Variants in NCOA1 observed in about 807,000 individuals in gnomAD.
The protein encoded by NCOA1 is nuclear receptor coactivator 1, also known as Hin-2 protein.
NCOA1 carries 35 observed loss-of-function variants against 150.9 expected under a neutral mutation model. The ratio of observed to expected loss-of-function variants is 0.23; its 90% confidence interval spans 0.18 to 0.31. The LOEUF (loss-of-function observed/expected upper bound fraction) is 0.31, where lower values mean the gene tolerates loss of function less well. Ranked by LOEUF, NCOA1 falls within the 10% of genes least tolerant of loss-of-function variation. The probability of loss-of-function intolerance (pLI) is 1.00; values close to 1 mark genes in which losing one functional copy is unlikely to be tolerated. For synonymous variants in NCOA1, 590 were observed against 630.0 expected (o/e 0.94, Z 0.95); for missense variants, 1,491 against 1,749.3 (o/e 0.85, Z 2.63).
chr2:24,657,070 A>G (rs937330269), intron 4 of NCOA1, among the ~76,000 whole-genome samples: 1 of 152,200 alleles, frequency 6.6e-6, no homozygotes, highest in African/African-American at 2.4e-5. Context: ...GGCTACGCTA[A>G]TTTACATTCC....
At position 24,769,260 on chromosome 2, in the gene NCOA1, C is replaced by T. The variant is rs1051364089; in HGVS notation, c.*869C>T. On this transcript the variant is annotated 3_prime_UTR_variant, in exon 23 of 23. Transcript: ENST00000348332. ...TTATGATCCAAGTAGCTTATTTTTC[C>T]CTTTAAATCTCATTGTAAATATATT... The T allele has an allele frequency of 5.3e-6, 1 of 188,982 alleles. No homozygotes were observed. Among genetic ancestry groups the T allele is most frequent in the East Asian group, 8.5e-5 (1 of 11,750 alleles). The allele number at this position is 188,982 out of a possible 1,614,324, so 11.7% of individuals were successfully genotyped here. A position where few individuals can be genotyped will look rare whatever the true frequency, so the allele number is the denominator to read the frequency against.
chr2:24,708,932 C>G (rs1401100166), intron 13 of NCOA1, among the ~76,000 whole-genome samples: 1 of 152,180 alleles, frequency 6.6e-6, no homozygotes, highest in East Asian at 1.9e-4. Flanking sequence ...CCTTCACAAA[C>G]CAATTCAAAT....
At chr2:24,671,574 T>TTTAA (rs1671685607) in intron 6 of NCOA1, among the ~76,000 whole-genome samples, 1 of 152,192 alleles carries the variant, frequency 6.6e-6, no homozygotes. Flanking sequence ...GTCATGTACT[T>TTTAA]TTTTAAGAGA....
chr2:24,642,037 T>TGTGTGTGTGTGTGCGCGC lies in NCOA1; in HGVS notation c.-174-1928_-174-1927insTGTGTGTGTGTGCGCGCG, dbSNP rs942145000. Among the ~76,000 whole-genome samples, 249 of 138,546 alleles carry TGTGTGTGTGTGTGCGCGC rather than the reference T, an allele frequency of 1.8e-3. 1 individual carries two copies. Among genetic ancestry groups the TGTGTGTGTGTGTGCGCGC allele is most frequent in the Middle Eastern group, 3.6e-3 (1 of 278 alleles). The allele number at this position is 138,546 out of a possible 152,430, so 90.9% of individuals were successfully genotyped here. ...GTGTGTGTGTGTGTGTGTGTGTGTG[T>TGTGTGTGTGTGTGCGCGC]GCGCGCGTGCGTATGTGTGTGTGTA... On this transcript the variant is annotated intron_variant, in intron 3 of 22. Coordinates refer to ENST00000348332, the MANE Select transcript of NCOA1 (RefSeq NM_003743.5).
chr2:24,619,367 A>G (rs1669015055), intron 3 of NCOA1, among the ~76,000 whole-genome samples: 1 of 152,226 alleles, frequency 6.6e-6, no homozygotes, highest in African/African-American at 2.4e-5. Flanking sequence ...TATTAATAAT[A>G]TGGCCTTAGA....
chr2:24,730,894 C>T (rs1307859806), intron 17 of NCOA1, among the ~76,000 whole-genome samples: 1 of 112,510 alleles, frequency 8.9e-6, no homozygotes, highest in African/African-American at 3.1e-5. Flanking sequence ...AAAAAAAAAA[C>T]GGGCATGGTG....
At chr2:24,709,750 C>T (rs1016372807) in intron 13 of NCOA1, among the ~76,000 whole-genome samples, 4 of 152,092 alleles carry the variant, frequency 2.6e-5, no homozygotes, top group Non-Finnish European at 5.9e-5. Context: ...CAGCTTTATT[C>T]GTATCAGCCA....
chr2:24,618,553 C>T (rs1668975532), intron 3 of NCOA1, among the ~76,000 whole-genome samples: 1 of 151,960 alleles, frequency 6.6e-6, no homozygotes. Context: ...GACTTTTAAC[C>T]AGAGCATGGA....
chr2:24,583,443 T>A (rs961184295), intron 2 of NCOA1, among the ~76,000 whole-genome samples: 9 of 152,126 alleles, frequency 5.9e-5, no homozygotes, highest in African/African-American at 1.9e-4. Context: ...ATACACTATT[T>A]GTAGGAATAT....
chr2:24,572,689 A>T (rs989557874), intron 2 of NCOA1, among the ~76,000 whole-genome samples: 2 of 152,112 alleles, frequency 1.3e-5, no homozygotes, highest in African/African-American at 4.8e-5. Flanking sequence ...CTGCTATTTT[A>T]CATAGGAGTG....
chr2:24,707,716 T>C lies in NCOA1; in HGVS notation c.2246T>C (p.Leu749Pro). The C allele has an allele frequency of 6.2e-7, 1 of 1,614,190 alleles. No homozygotes were observed. The highest frequency in any genetic ancestry group is 8.5e-7 in the Non-Finnish European group (1 of 1,179,998). ...AAAGAATCAAAAGACCATCAGCTCC[T>C]ACGCTATCTTTTAGATAAAGATGAG... ...KKKESKDHQLLRYLLDKDEKD... is the reference protein window; with the variant it reads ...KKKESKDHQLPRYLLDKDEKD... The change falls in exon 13 of 23, where the codon CTA (leucine) becomes CCA (proline). Residue 749 changes from leucine to proline, a missense_variant. By Grantham distance (98) the Leu-to-Pro change is moderately conservative. This residue lies in a region of NCOA1 where 703 missense variants were observed against 717.7 expected (regional missense o/e 0.98). Coordinates refer to ENST00000348332, the MANE Select transcript of NCOA1 (RefSeq NM_003743.5).
chr2:24,642,862 A>G (rs1271967636), intron 3 of NCOA1, among the ~76,000 whole-genome samples: 1 of 152,202 alleles, frequency 6.6e-6, no homozygotes. Context: ...AAAAAAGCCA[A>G]CTTGAAAAGA....
intron 6 of NCOA1, among the ~76,000 whole-genome samples, chr2:24,666,749 C>G (rs1408999614): frequency 6.6e-6 from 1 of 151,990 alleles, no homozygotes; most frequent in Admixed American, 6.6e-5. Flanking sequence ...TCTCCTGCCT[C>G]AGCCTCCCAA....
At chr2:24,498,834 GTTTTATACCCCAAATTTCATATTTTTTGT>G (rs1305234532) in intron 1 of NCOA1, among the ~76,000 whole-genome samples, 26 of 152,112 alleles carry the variant, frequency 1.7e-4, no homozygotes, top group Admixed American at 1.1e-3. Context: ...TTCTTGGCAG[GTTTTATACCCCAAATTTCATATTTTTTGT>G]TTTTGAAATG....
At chr2:24,734,365 A>G (rs983931552) in intron 17 of NCOA1, among the ~76,000 whole-genome samples, 1 of 152,178 alleles carries the variant, frequency 6.6e-6, no homozygotes, top group Non-Finnish European at 1.5e-5. Flanking sequence ...ATTCAGTGGA[A>G]TTCCAATAAA....
At chr2:24,605,103 CA>C (rs1668304244) in intron 3 of NCOA1, among the ~76,000 whole-genome samples, 1 of 151,856 alleles carries the variant, frequency 6.6e-6, no homozygotes, top group South Asian at 2.1e-4. Flanking sequence ...CATGGTGCCC[CA>C]AAACAATTAC....
intron 3 of NCOA1, among the ~76,000 whole-genome samples, chr2:24,601,612 C>CTCT (rs1553434823): frequency 6.8e-5 from 9 of 132,012 alleles, no homozygotes; most frequent in East Asian, 2.6e-4. Flanking sequence ...CTCCTTCCTC[C>CTCT]TTTTTTTTTT....
In NCOA1 at chr2:24,658,705, G is replaced by A. The variant is rs768164916; in HGVS notation, c.28G>A (p.Asp10Asn). 3.7e-5 allele frequency: 59 copies of A among 1,613,848 alleles called. No homozygotes were observed. The highest frequency in any genetic ancestry group is 4.5e-5 in the Non-Finnish European group (53 of 1,179,948). The stretch of plus-strand genomic sequence containing the variant: ...GAGTGGCCTCGGGGACAGTTCATCC[G>A]ACCCTGCTAACCCAGACTCACATAA... Reference protein sequence around the residue: MSGLGDSSSDPANPDSHKRK... With the variant: MSGLGDSSSNPANPDSHKRK... Residue 10 changes from aspartate to asparagine, a missense_variant, in exon 5 of 23, where the codon GAC becomes AAC. By Grantham distance (23) the Asp-to-Asn change is conservative. Transcript: ENST00000348332.
At chr2:24,622,509 A>C (rs1490098194) in intron 3 of NCOA1, among the ~76,000 whole-genome samples, 1 of 152,222 alleles carries the variant, frequency 6.6e-6, no homozygotes. Flanking sequence ...TATGGTGAAG[A>C]CAAATTCTTA....
Sources: gnomAD v4.1 joint callset for allele counts (sites outside exome capture counted in the v4.1 genomes callset) on GRCh38, gnomAD v4.1.1 for gene constraint, gnomAD v4.1.1 regional missense constraint, MANE v1.5 for transcripts, NCBI Gene and HGNC (gene_info 2026-07-23, HGNC 2026-07-21) for gene names.